NBAS: variants seen among roughly 807,000 people sequenced by gnomAD.
NBAS encodes the protein NAG/BC035112 fusion.
NBAS carries 219 observed loss-of-function variants against 302.5 expected under a neutral mutation model. The observed-to-expected ratio is 0.72, with a 90% CI of 0.65 to 0.81. The LOEUF is 0.81. Ranked by LOEUF, NBAS falls within the 30% of genes least tolerant of loss-of-function variation. The pLI is 0.00. For synonymous variants in NBAS, 1,118 were observed against 1,021.6 expected, an observed-to-expected ratio of 1.09 and a Z score of -1.80; for missense variants, 2,932 against 2,841.6, an observed-to-expected ratio of 1.03 and a Z score of -0.72.
intron 16 of NBAS, 138 bp from the exon 17 acceptor site, chr2:15,468,671 G>C: frequency 2.1e-6 from 2 of 958,776 alleles, no homozygotes; most frequent in Non-Finnish European, 3.2e-6. Context: ...GCTGCTAGAG[G>C]AACTCAAGAG....
chr2:14,843,981 G>GC, the NBAS span, among the ~76,000 whole-genome samples: 1 of 152,068 alleles, frequency 6.6e-6, no homozygotes, highest in Non-Finnish European at 1.5e-5. Context: ...CACAAGGACT[G>GC]CAACTTCTGT....
At chr2:15,360,733 C>A (rs1673873484) in intron 32 of NBAS, among the ~76,000 whole-genome samples, 1 of 143,582 alleles carries the variant, frequency 7.0e-6, no homozygotes, top group Non-Finnish European at 1.5e-5. Context: ...CTAGCCCAAA[C>A]ACTGGGTCAG....
intron 35 of NBAS, among the ~76,000 whole-genome samples, chr2:15,339,539 G>A (rs966958556): frequency 1.3e-5 from 2 of 152,160 alleles, no homozygotes; most frequent in African/African-American, 4.8e-5. Flanking sequence ...GACAGGCATT[G>A]TTGTAAATTC....
chr2:15,497,765 T>C (rs915081634), intron 11 of NBAS, among the ~76,000 whole-genome samples: 1 of 152,152 alleles, frequency 6.6e-6, no homozygotes, highest in Non-Finnish European at 1.5e-5. Context: ...CATTAAGAAG[T>C]ATGGAATATA....
intron 32 of NBAS, 38 bp downstream of exon 32, chr2:15,366,542 G>C (rs377051334): frequency 1.3e-4 from 200 of 1,533,808 alleles, no homozygotes; most frequent in Non-Finnish European, 1.7e-4. Flanking sequence ...GAATAACATA[G>C]AAAGCTTATT....
chr2:15,449,111 T>TA (rs1414926499), intron 21 of NBAS, among the ~76,000 whole-genome samples: 1 of 151,714 alleles, frequency 6.6e-6, no homozygotes, highest in African/African-American at 2.4e-5. Context: ...CACATTAGTT[T>TA]AAAAAAAAGG....
chr2:15,002,811 G>A, the NBAS span, among the ~76,000 whole-genome samples: 2 of 152,330 alleles, frequency 1.3e-5, no homozygotes. Flanking sequence ...GGCCGGCAGG[G>A]CGGGTCAGCT....
intron 47 of NBAS, among the ~76,000 whole-genome samples, chr2:15,227,614 C>T (rs1272152236): frequency 2.0e-5 from 3 of 152,152 alleles, no homozygotes; most frequent in Admixed American, 6.5e-5. Context: ...ACCCAAACAG[C>T]ATGGTAGTGG....
the NBAS span, among the ~76,000 whole-genome samples, chr2:14,938,683 T>C: frequency 6.6e-6 from 1 of 152,166 alleles, no homozygotes; most frequent in South Asian, 2.1e-4. Context: ...TACAAAGCAA[T>C]TGTACCCATA....
the NBAS span, among the ~76,000 whole-genome samples, chr2:15,155,874 G>C: frequency 0.013 from 2,028 of 152,312 alleles, 58 homozygotes; most frequent in African/African-American, 0.047. Flanking sequence ...TGGTCTATGA[G>C]AAGAAATCAA....
chr2:15,052,056 G>A, the NBAS span, among the ~76,000 whole-genome samples: 2 of 152,118 alleles, frequency 1.3e-5, no homozygotes, highest in Admixed American at 6.5e-5. Flanking sequence ...TCTTGACTAT[G>A]AGTATCTTGA....
At chr2:15,243,970 C>T (rs1199977006) in intron 44 of NBAS, among the ~76,000 whole-genome samples, 3 of 152,068 alleles carry the variant, frequency 2.0e-5, no homozygotes, top group East Asian at 1.9e-4. Context: ...CGTGACACTC[C>T]GTAAATTCTT....
chr2:15,208,950 A>T (rs1666276014), intron 48 of NBAS, among the ~76,000 whole-genome samples: 1 of 152,198 alleles, frequency 6.6e-6, no homozygotes, highest in Admixed American at 6.5e-5. Context: ...AATGAAGATC[A>T]GAGCAGAAAT....
chr2:14,779,210 C>T, the NBAS span, among the ~76,000 whole-genome samples: 3 of 152,152 alleles, frequency 2.0e-5, no homozygotes, highest in African/African-American at 7.2e-5. Flanking sequence ...ATGTCCATGA[C>T]AAGATCACAT....
At chr2:15,353,516 T>C (rs1322002773) in intron 34 of NBAS, 37 bp downstream of exon 34, 1 of 1,612,470 alleles carries the variant, frequency 6.2e-7, no homozygotes, top group East Asian at 2.2e-5. Context: ...AACATGGACG[T>C]CATACAGGTT....
At chr2:14,798,475 A>G in the NBAS span, among the ~76,000 whole-genome samples, 16 of 152,166 alleles carry the variant, frequency 1.1e-4, no homozygotes, top group Non-Finnish European at 1.2e-4. Context: ...GTCAGATTCA[A>G]TTTGTCAAAG....
At chr2:15,215,481 T>C (rs1438682023) in intron 48 of NBAS, among the ~76,000 whole-genome samples, 1 of 152,212 alleles carries the variant, frequency 6.6e-6, no homozygotes. Context: ...ACAGTGAAAG[T>C]AGCAGTCACA....
chr2:14,997,323 T>C, the NBAS span, among the ~76,000 whole-genome samples: 1 of 152,140 alleles, frequency 6.6e-6, no homozygotes, highest in African/African-American at 2.4e-5. Context: ...AAAATACAAG[T>C]TAAAATAAAT....
the NBAS span, among the ~76,000 whole-genome samples, chr2:15,098,364 A>G: frequency 0.014 from 546 of 39,984 alleles, 209 homozygotes; most frequent in African/African-American, 0.083. Flanking sequence ...GATATATTGT[A>G]TATAATATAT....
Sources: gnomAD v4.1 joint callset for allele counts (sites outside exome capture counted in the v4.1 genomes callset) on GRCh38, gnomAD v4.1.1 for gene constraint, MANE v1.5 for transcripts, NCBI Gene and HGNC (gene_info 2026-07-23, HGNC 2026-07-21) for gene names.